Variants in CD86 observed in about 807,000 individuals in gnomAD.
CD86 encodes the protein T-lymphocyte activation antigen CD86.
In CD86, 11 loss-of-function variants were observed where a neutral mutation model predicts 32.1. The observed-to-expected ratio is 0.34, with a 90% CI of 0.22 to 0.57. The LOEUF (loss-of-function observed/expected upper bound fraction) is 0.57. Ranked by LOEUF, CD86 falls within the 20% of genes least tolerant of loss-of-function variation. The pLI is 0.86. For missense variants in CD86, 359 were observed against 398.4 expected (o/e 0.90, Z 0.84); for synonymous variants, 137 against 135.3 (o/e 1.01, Z -0.09).
chr3:122,102,364 T>G (rs2073022925), intron 2 of CD86, among the ~76,000 whole-genome samples: 1 of 147,700 alleles, frequency 6.8e-6, no homozygotes, highest in Non-Finnish European at 1.5e-5. Context: ...AGAAACAGCC[T>G]TCCCACTCTC....
At chr3:122,073,316 C>T (rs2072514994) in intron 1 of CD86, among the ~76,000 whole-genome samples, 1 of 151,730 alleles carries the variant, frequency 6.6e-6, no homozygotes, top group Non-Finnish European at 1.5e-5. Context: ...CGTGTACCTT[C>T]TTTGGTGAGG....
At chr3:122,078,247 T>G (rs2072582046) in intron 1 of CD86, among the ~76,000 whole-genome samples, 2 of 152,212 alleles carry the variant, frequency 1.3e-5, no homozygotes, top group South Asian at 4.1e-4. Flanking sequence ...AAAATCTGTC[T>G]CTTCCTGCCA....
intron 2 of CD86, among the ~76,000 whole-genome samples, chr3:122,093,935 C>A (rs1473786638): frequency 6.6e-6 from 1 of 152,240 alleles, no homozygotes; most frequent in Non-Finnish European, 1.5e-5. Flanking sequence ...TCACTTGACT[C>A]TTCTCCTAAC....
chr3:122,108,363 A>G (rs752071511), intron 4 of CD86, among the ~76,000 whole-genome samples: 3 of 152,182 alleles, frequency 2.0e-5, no homozygotes, highest in Non-Finnish European at 4.4e-5. Context: ...GGAGTGCCAA[A>G]CTGGCTCAAG....
rs145491825 is a variant in CD86, at chr3:122,103,780, C to T, written c.333C>T (p.Ile111=). The change falls in exon 3 of 7, where the codon ATC becomes ATT. Residue 111 remains isoleucine (I), a synonymous_variant. Coordinates refer to ENST00000330540, the MANE Select transcript of CD86 (RefSeq NM_175862.5). The stretch of plus-strand genomic sequence containing the variant: ...AGGACAAGGGCTTGTATCAATGTAT[C>T]ATCCATCACAAAAAGCCCACAGGAA... ...QIKDKGLYQC[I]IHHKKPTGMI... 2 of 1,614,006 alleles carry T rather than the reference C, an allele frequency of 1.2e-6. No homozygotes were observed. The highest frequency in any genetic ancestry group is 4.5e-5 in the East Asian group (2 of 44,884).
At chr3:122,070,192 T>C (rs2072470101) in intron 1 of CD86, among the ~76,000 whole-genome samples, 1 of 152,220 alleles carries the variant, frequency 6.6e-6, no homozygotes, top group Non-Finnish European at 1.5e-5. Context: ...GACTTCTTGC[T>C]TGAAGACATC....
chr3:122,112,630 C>A (rs1358939205), intron 5 of CD86, among the ~76,000 whole-genome samples: 2 of 152,144 alleles, frequency 1.3e-5, no homozygotes, highest in Non-Finnish European at 2.9e-5. Flanking sequence ...ATCACATTTC[C>A]CCTTCAAAAT....
chr3:122,065,644 T>C (rs2072402167), intron 1 of CD86, among the ~76,000 whole-genome samples: 1 of 152,180 alleles, frequency 6.6e-6, no homozygotes, highest in African/African-American at 2.4e-5. Flanking sequence ...CTGCAGATGC[T>C]TGAATCTAAG....
At chr3:122,118,230 T>C in intron 6 of CD86, 137 bp downstream of exon 6, 1 of 707,384 alleles carries the variant, frequency 1.4e-6, no homozygotes, top group Non-Finnish European at 2.5e-6. Context: ...AAAATAAAAC[T>C]AGTTAAGAAC....
chr3:122,104,337 C>T (rs1291176772), intron 3 of CD86, among the ~76,000 whole-genome samples: 2 of 152,080 alleles, frequency 1.3e-5, no homozygotes, highest in African/African-American at 2.4e-5. Context: ...GAGTTGTTTG[C>T]TGCCACAACC....
chr3:122,109,666 T>C (rs1226996427), intron 5 of CD86, among the ~76,000 whole-genome samples: 1 of 152,234 alleles, frequency 6.6e-6, no homozygotes, highest in Non-Finnish European at 1.5e-5. Flanking sequence ...GAAAACTGAT[T>C]ATTACTTGCT....
At chr3:122,075,864 T>G (rs982835332) in intron 1 of CD86, among the ~76,000 whole-genome samples, 4 of 152,198 alleles carry the variant, frequency 2.6e-5, no homozygotes, top group Non-Finnish European at 4.4e-5. Context: ...TAAAACAACT[T>G]GTTTTTTAAG....
At chr3:122,098,615 T>C (rs756674585) in intron 2 of CD86, among the ~76,000 whole-genome samples, 12 of 152,164 alleles carry the variant, frequency 7.9e-5, no homozygotes, top group Non-Finnish European at 1.6e-4. Context: ...ATTATGTGAT[T>C]GGAGCTGTAT....
intron 1 of CD86, among the ~76,000 whole-genome samples, chr3:122,063,163 G>T (rs1425834752): frequency 6.6e-6 from 1 of 152,026 alleles, no homozygotes; most frequent in Non-Finnish European, 1.5e-5. Context: ...TCGCTTTCTG[G>T]ACTTCAAATA....
At chr3:122,112,313 T>A (rs887113377) in intron 5 of CD86, among the ~76,000 whole-genome samples, 31 of 152,168 alleles carry the variant, frequency 2.0e-4, no homozygotes, top group Admixed American at 5.9e-4. Context: ...TATTTTTTTT[T>A]AATTTTTTTT....
At chr3:122,072,469 T>A (rs1033884998) in intron 1 of CD86, among the ~76,000 whole-genome samples, 10 of 152,262 alleles carry the variant, frequency 6.6e-5, no homozygotes, top group Non-Finnish European at 1.5e-4. Context: ...TTTGCATTTG[T>A]CTGATGGCCA....
intron 1 of CD86, among the ~76,000 whole-genome samples, chr3:122,062,517 C>A (rs1442100777): frequency 6.6e-6 from 1 of 152,040 alleles, no homozygotes; most frequent in East Asian, 1.9e-4. Context: ...GTAAATATAT[C>A]AAAGGTGATT....
intron 2 of CD86, among the ~76,000 whole-genome samples, chr3:122,094,448 G>A (rs2072875433): frequency 1.3e-5 from 2 of 152,128 alleles, no homozygotes; most frequent in Non-Finnish European, 2.9e-5. Context: ...ATTTTAAAGT[G>A]GAATAGAAAG....
rs115232269 is a variant in CD86 at position 122,096,436 on chromosome 3, A to G, written c.64+4786A>G. Among the ~76,000 whole-genome samples the G allele has an allele frequency of 5.2e-3, 787 of 152,186 alleles. 9 individuals are homozygous for G. The highest frequency in any genetic ancestry group is 0.018 in the African/African-American group (743 of 41,506). ...ATATCTTTTTAAGTATCCTAAATAT[A>G]CTTATTTAAATTTTTTTTGAGTAAA... is the stretch of plus-strand genomic sequence containing the variant. On this transcript the variant is annotated intron_variant, in intron 2 of 6. Transcript: ENST00000330540.
Sources: gnomAD v4.1 joint callset for allele counts (sites outside exome capture counted in the v4.1 genomes callset) on GRCh38, gnomAD v4.1.1 for gene constraint, MANE v1.5 for transcripts, NCBI Gene and HGNC (gene_info 2026-07-23, HGNC 2026-07-21) for gene names.